CAST: variants seen among roughly 807,000 people sequenced by gnomAD.
The protein encoded by CAST is MIR583 host.
Under a neutral mutation model 119.6 loss-of-function variants are expected in CAST, and 76 were observed. The ratio of observed to expected loss-of-function variants is 0.64; its 90% CI spans 0.53 to 0.77. The LOEUF is 0.77. Among genes scored for constraint, CAST ranks in the 30% least tolerant of loss-of-function variants. The pLI is 0.00. For synonymous variants in CAST, 319 were observed against 331.6 expected (o/e 0.96, Z 0.41); for missense variants, 953 against 946.5 (o/e 1.01, Z -0.09).
intron 1 of CAST, among the ~76,000 whole-genome samples, chr5:96,544,021 C>A (rs1308156134): frequency 1.3e-5 from 2 of 152,208 alleles, no homozygotes; most frequent in Admixed American, 1.3e-4. Flanking sequence ...CTTGCTTCTT[C>A]TTCAATGTTG....
intron 29 of CAST, chr5:96,769,854 A>G (rs1273876765): frequency 6.8e-6 from 1 of 147,238 alleles, no homozygotes; most frequent in Non-Finnish European, 1.5e-5. Context: ...GGCTTATATC[A>G]TCTAGTATAA....
chr5:95,969,527 G>T, the CAST span, among the ~76,000 whole-genome samples: 1 of 152,030 alleles, frequency 6.6e-6, no homozygotes, highest in Non-Finnish European at 1.5e-5. Flanking sequence ...GAGTGATTAT[G>T]ACAAAAAAGA....
At chr5:96,628,469 C>T (rs1194352772) in intron 1 of CAST, among the ~76,000 whole-genome samples, 2 of 152,170 alleles carry the variant, frequency 1.3e-5, no homozygotes, top group Non-Finnish European at 2.9e-5. Flanking sequence ...ACACATGCAA[C>T]ATTAAAAATA....
At chr5:96,404,847 A>T in the CAST span, among the ~76,000 whole-genome samples, 1 of 152,200 alleles carries the variant, frequency 6.6e-6, no homozygotes, top group Non-Finnish European at 1.5e-5. Context: ...TCTATGTCAT[A>T]AGAATGTTGT....
At chr5:96,232,518 T>C in the CAST span, among the ~76,000 whole-genome samples, 6 of 152,082 alleles carry the variant, frequency 3.9e-5, no homozygotes, top group African/African-American at 1.4e-4. Context: ...GGAGAAAAGA[T>C]TGTTTTAGAA....
At chr5:96,571,274 G>C (rs1746561648) in intron 1 of CAST, among the ~76,000 whole-genome samples, 2 of 152,092 alleles carry the variant, frequency 1.3e-5, no homozygotes, top group African/African-American at 4.8e-5. Flanking sequence ...TAAACCAATA[G>C]CCTAGTCACT....
At chr5:96,179,994 GC>G in the CAST span, among the ~76,000 whole-genome samples, 1 of 151,710 alleles carries the variant, frequency 6.6e-6, no homozygotes, top group African/African-American at 2.4e-5. Flanking sequence ...TGAGATTGCA[GC>G]CTGGGAGACA....
chr5:96,300,335 A>C, the CAST span, among the ~76,000 whole-genome samples: 1 of 152,100 alleles, frequency 6.6e-6, no homozygotes, highest in Non-Finnish European at 1.5e-5. Context: ...CAGTTTTCCC[A>C]ATACCATTTA....
intron 2 of CAST, among the ~76,000 whole-genome samples, chr5:96,684,528 C>T (rs1395483406): frequency 2.6e-5 from 4 of 151,638 alleles, no homozygotes; most frequent in Admixed American, 6.6e-5. Flanking sequence ...CAGAAACATA[C>T]GCCAATAGCT....
At chr5:96,346,816 A>G in the CAST span, among the ~76,000 whole-genome samples, 13 of 152,214 alleles carry the variant, frequency 8.5e-5, no homozygotes, top group African/African-American at 2.9e-4. Flanking sequence ...GTCTGATGCA[A>G]TATTATTCAG....
the CAST span, among the ~76,000 whole-genome samples, chr5:96,051,842 T>C: frequency 6.6e-6 from 1 of 152,212 alleles, no homozygotes; most frequent in East Asian, 1.9e-4. Flanking sequence ...AATTCTGTCA[T>C]GAACAAGGAA....
the CAST span, among the ~76,000 whole-genome samples, chr5:96,112,214 G>A: frequency 1.3e-5 from 2 of 151,946 alleles, no homozygotes; most frequent in Non-Finnish European, 2.9e-5. Context: ...TCTGAGAGGT[G>A]TGTCTGGGGA....
At chr5:96,395,765 A>G in the CAST span, among the ~76,000 whole-genome samples, 3 of 152,212 alleles carry the variant, frequency 2.0e-5, no homozygotes, top group East Asian at 5.8e-4. Flanking sequence ...CACTCTGTAC[A>G]TGTACTCCAG....
chr5:96,327,606 T>G, the CAST span, among the ~76,000 whole-genome samples: 1 of 152,224 alleles, frequency 6.6e-6, no homozygotes, highest in African/African-American at 2.4e-5. Flanking sequence ...AAAATATAAT[T>G]TTAGAATCAG....
chr5:96,665,372 A>T (rs1749183958), intron 1 of CAST, among the ~76,000 whole-genome samples: 1 of 152,208 alleles, frequency 6.6e-6, no homozygotes, highest in Non-Finnish European at 1.5e-5. Flanking sequence ...GAGATATTTT[A>T]CATTCTTTTT....
chr5:96,703,917 G>A (rs966799571), intron 3 of CAST, among the ~76,000 whole-genome samples: 1 of 152,144 alleles, frequency 6.6e-6, no homozygotes, highest in Non-Finnish European at 1.5e-5. Flanking sequence ...GAATGTATTC[G>A]ACTTTTGTGC....
At chr5:96,106,014 T>C in the CAST span, among the ~76,000 whole-genome samples, 1 of 152,234 alleles carries the variant, frequency 6.6e-6, no homozygotes, top group African/African-American at 2.4e-5. Context: ...TTTTGTAGTT[T>C]ATTTGCGTAG....
chr5:96,037,309 G>T, the CAST span, among the ~76,000 whole-genome samples: 3 of 152,100 alleles, frequency 2.0e-5, no homozygotes, highest in Non-Finnish European at 2.9e-5. Flanking sequence ...TAAAGACTCT[G>T]CTGCCTGAAA....
At chr5:96,613,392 T>C (rs1310694040) in intron 1 of CAST, among the ~76,000 whole-genome samples, 1 of 152,234 alleles carries the variant, frequency 6.6e-6, no homozygotes, top group African/African-American at 2.4e-5. Context: ...TGCACATCCT[T>C]TGTTAGATTT....
Sources: gnomAD v4.1 joint callset for allele counts (sites outside exome capture counted in the v4.1 genomes callset) on GRCh38, gnomAD v4.1.1 for gene constraint, MANE v1.5 for transcripts, NCBI Gene and HGNC (gene_info 2026-07-23, HGNC 2026-07-21) for gene names.